Variants in AKT3 observed in about 807,000 individuals in gnomAD.
AKT3 encodes the protein RAC-gamma serine/threonine-protein kinase.
AKT3 carries 15 observed loss-of-function variants against 65.3 expected under a neutral mutation model. The ratio of observed to expected loss-of-function variants is 0.23; its 90% CI spans 0.15 to 0.35. The LOEUF is 0.35. Among genes scored for constraint, AKT3 ranks in the 10% least tolerant of loss-of-function variants. The pLI, the probability that AKT3 is intolerant of heterozygous loss-of-function variation, is 1.00. For synonymous variants in AKT3, 206 were observed against 183.8 expected (o/e 1.12, Z -0.98); for missense variants, 243 against 576.5 (o/e 0.42, Z 5.92).
intron 3 of AKT3, among the ~76,000 whole-genome samples, chr1:243,681,208 A>G (rs1683894021): frequency 6.6e-6 from 1 of 152,192 alleles, no homozygotes; most frequent in Non-Finnish European, 1.5e-5. Flanking sequence ...AACATTAAAT[A>G]TATCTTACTA....
intron 1 of AKT3, among the ~76,000 whole-genome samples, chr1:243,846,045 G>A (rs1231900911): frequency 4.6e-5 from 7 of 152,190 alleles, no homozygotes; most frequent in East Asian, 1.9e-4. Flanking sequence ...TAAAATCTAC[G>A]GAGTATCTAC....
intron 2 of AKT3, among the ~76,000 whole-genome samples, chr1:243,774,818 C>T (rs753629999): frequency 7.2e-5 from 11 of 152,278 alleles, no homozygotes; most frequent in East Asian, 1.9e-4. Flanking sequence ...ATTGTATTTA[C>T]AGATTTCACC....
intron 6 of AKT3, among the ~76,000 whole-genome samples, chr1:243,632,013 G>T (rs1003601725): frequency 6.6e-6 from 1 of 152,102 alleles, no homozygotes; most frequent in African/African-American, 2.4e-5. Context: ...CATCCATGAA[G>T]ATTGGAATCA....
At chr1:243,574,971 C>T (rs1012007310) in intron 8 of AKT3, among the ~76,000 whole-genome samples, 21 of 152,090 alleles carry the variant, frequency 1.4e-4, no homozygotes, top group African/African-American at 4.8e-4. Flanking sequence ...GACTATGTAT[C>T]TTCAATGTGT....
At chr1:243,617,422 A>G (rs1056133574) in intron 6 of AKT3, among the ~76,000 whole-genome samples, 1 of 152,124 alleles carries the variant, frequency 6.6e-6, no homozygotes, top group African/African-American at 2.4e-5. Context: ...ACTTAAAAAA[A>G]AAACTGCTGA....
At chr1:243,760,866 A>G (rs1446768738) in intron 2 of AKT3, among the ~76,000 whole-genome samples, 1 of 152,206 alleles carries the variant, frequency 6.6e-6, no homozygotes, top group Non-Finnish European at 1.5e-5. Flanking sequence ...TTCAGGCATG[A>G]GTTATAGTGT....
chr1:243,597,097 T>C (rs1470474207), intron 8 of AKT3, among the ~76,000 whole-genome samples: 1 of 152,186 alleles, frequency 6.6e-6, no homozygotes, highest in Admixed American at 6.5e-5. Flanking sequence ...GGCAGAACTT[T>C]TTGAGGCAAT....
intron 3 of AKT3, among the ~76,000 whole-genome samples, chr1:243,695,371 G>C (rs529442385): frequency 1.3e-5 from 2 of 151,982 alleles, no homozygotes; most frequent in African/African-American, 2.4e-5. Flanking sequence ...TCACATTCAA[G>C]TTCTACATAA....
chr1:243,768,772 T>C (rs1689986378), intron 2 of AKT3, among the ~76,000 whole-genome samples: 1 of 150,470 alleles, frequency 6.6e-6, no homozygotes, highest in South Asian at 2.1e-4. Context: ...GAGGCAGAGG[T>C]TGCAGTGAGC....
chr1:243,838,011 A>G (rs1695001655), intron 2 of AKT3, among the ~76,000 whole-genome samples: 1 of 152,082 alleles, frequency 6.6e-6, no homozygotes, highest in Non-Finnish European at 1.5e-5. Context: ...TAATAAGTGA[A>G]TTTCATGAGA....
intron 12 of AKT3, among the ~76,000 whole-genome samples, chr1:243,525,531 A>G (rs1234076683): frequency 6.6e-6 from 1 of 151,496 alleles, no homozygotes; most frequent in African/African-American, 2.4e-5. Context: ...AAAGTTGAAA[A>G]TCTCAGCAGA....
chr1:243,727,455 A>C (rs1333430452), intron 2 of AKT3, among the ~76,000 whole-genome samples: 2 of 151,782 alleles, frequency 1.3e-5, no homozygotes, highest in Non-Finnish European at 2.9e-5. Context: ...AATTTTGTTC[A>C]CTTTTTGTGG....
chr1:243,543,457 TC>T (rs1558602385), intron 12 of AKT3, among the ~76,000 whole-genome samples: 1 of 18,818 alleles, frequency 5.3e-5, no homozygotes, highest in Non-Finnish European at 5.0e-3. Flanking sequence ...CTTTTCCTCT[TC>T]TTTTTTTTTG....
intron 4 of AKT3, among the ~76,000 whole-genome samples, chr1:243,659,285 T>C (rs1359434586): frequency 1.3e-5 from 2 of 152,210 alleles, no homozygotes; most frequent in East Asian, 3.8e-4. Flanking sequence ...GGAGAGCTAC[T>C]GTTCAATGGG....
intron 2 of AKT3, among the ~76,000 whole-genome samples, chr1:243,771,349 T>G (rs148910042): frequency 2.1e-3 from 322 of 152,228 alleles, no homozygotes; most frequent in Non-Finnish European, 3.5e-3. Context: ...AGACCATGTG[T>G]TTTCCATGTT....
chr1:243,520,814 C>T (rs1024036186), intron 12 of AKT3, among the ~76,000 whole-genome samples: 1 of 152,174 alleles, frequency 6.6e-6, no homozygotes, highest in Non-Finnish European at 1.5e-5. Context: ...GTGACAGCAA[C>T]GTTGAAGCTC....
chr1:243,623,832 C>CT (rs1211591705), intron 6 of AKT3, among the ~76,000 whole-genome samples: 1 of 152,310 alleles, frequency 6.6e-6, no homozygotes, highest in Non-Finnish European at 1.5e-5. Flanking sequence ...AGTGAATTCT[C>CT]TCTCATATAT....
chr1:243,569,842 TG>T (rs1558622178), intron 9 of AKT3, among the ~76,000 whole-genome samples: 2 of 152,212 alleles, frequency 1.3e-5, no homozygotes, highest in African/African-American at 4.8e-5. Context: ...TAGATGGCCA[TG>T]GTCATTGGTT....
intron 12 of AKT3, among the ~76,000 whole-genome samples, chr1:243,530,473 A>G (rs138340026): frequency 1.3e-3 from 191 of 152,334 alleles, no homozygotes; most frequent in African/African-American, 4.5e-3. Flanking sequence ...CTTTGAAACA[A>G]ATGAGAACAA....
Sources: gnomAD v4.1 joint callset for allele counts (sites outside exome capture counted in the v4.1 genomes callset) on GRCh38, gnomAD v4.1.1 for gene constraint, MANE v1.5 for transcripts, NCBI Gene and HGNC (gene_info 2026-07-23, HGNC 2026-07-21) for gene names.